Variants in MARCHF1 observed in about 807,000 individuals in gnomAD.
The protein encoded by MARCHF1 is E3 ubiquitin-protein ligase MARCHF1.
MARCHF1 carries 40 observed loss-of-function variants against 54.2 expected under a neutral mutation model. That is an observed-to-expected ratio of 0.74 (90% CI 0.57 to 0.96). The LOEUF (loss-of-function observed/expected upper bound fraction) is 0.96, where lower values mean the gene tolerates loss of function less well. Ranked by LOEUF, MARCHF1 falls within the 40% of genes least tolerant of loss-of-function variation. The pLI, the probability that MARCHF1 is intolerant of heterozygous loss-of-function variation, is 0.00. For missense variants in MARCHF1, 586 were observed against 656.5 expected (o/e 0.89, Z 1.17); for synonymous variants, 236 against 236.3 (o/e 1.00, Z 0.01).
chr4:164,030,436 C>T (rs1753854074), intron 2 of MARCHF1, among the ~76,000 whole-genome samples: 1 of 152,034 alleles, frequency 6.6e-6, no homozygotes, highest in Admixed American at 6.6e-5. Flanking sequence ...GTATAATAAC[C>T]TTAGATAATA....
intron 1 of MARCHF1, among the ~76,000 whole-genome samples, chr4:164,238,954 C>T (rs1371757250): frequency 2.0e-5 from 3 of 152,014 alleles, no homozygotes; most frequent in East Asian, 3.9e-4. Context: ...ACCTGATATT[C>T]TGTTTTACTA....
chr4:163,732,637 T>C (rs940063360), intron 4 of MARCHF1, among the ~76,000 whole-genome samples: 3 of 152,088 alleles, frequency 2.0e-5, no homozygotes, highest in Non-Finnish European at 4.4e-5. Flanking sequence ...ACACATTATG[T>C]ACAGAGGAGC....
At chr4:164,347,874 G>T (rs1401985709) in intron 1 of MARCHF1, among the ~76,000 whole-genome samples, 1 of 152,088 alleles carries the variant, frequency 6.6e-6, no homozygotes, top group East Asian at 1.9e-4. Flanking sequence ...AAATGTTTAT[G>T]TTCATGGTGT....
intron 1 of MARCHF1, among the ~76,000 whole-genome samples, chr4:164,223,173 G>C (rs1732160597): frequency 6.6e-6 from 1 of 151,896 alleles, no homozygotes; most frequent in African/African-American, 2.4e-5. Context: ...GTGAGATTTG[G>C]GTAGGGACAC....
intron 1 of MARCHF1, among the ~76,000 whole-genome samples, chr4:164,238,953 T>C (rs1732646759): frequency 1.3e-5 from 2 of 152,084 alleles, no homozygotes; most frequent in Non-Finnish European, 2.9e-5. Flanking sequence ...AACCTGATAT[T>C]CTGTTTTACT....
chr4:163,533,680 A>AATATATAT (rs35349951), intron 9 of MARCHF1, among the ~76,000 whole-genome samples: 4,473 of 144,060 alleles, frequency 0.031, 188 homozygotes, highest in African/African-American at 0.094. Flanking sequence ...TTTTATATAT[A>AATATATAT]ATATATATAT....
chr4:164,262,975 C>CCCTT (rs1421893397), intron 1 of MARCHF1, among the ~76,000 whole-genome samples: 1 of 152,026 alleles, frequency 6.6e-6, no homozygotes. Context: ...TATTTGCTTC[C>CCCTT]CCTTCCTAGT....
At chr4:163,874,414 G>C (rs777232595) in intron 3 of MARCHF1, among the ~76,000 whole-genome samples, 9 of 152,184 alleles carry the variant, frequency 5.9e-5, no homozygotes, top group Admixed American at 2.6e-4. Flanking sequence ...ACCCAAAGAG[G>C]CAGGAACAAA....
chr4:164,036,102 C>CA (rs34183134), intron 2 of MARCHF1, among the ~76,000 whole-genome samples: 30,719 of 82,254 alleles, frequency 0.37, 4,536 homozygotes, highest in Middle Eastern at 0.52. Flanking sequence ...GATTCTGTCT[C>CA]AAAAAAAAAA....
At chr4:163,745,044 G>A (rs1207393210) in intron 4 of MARCHF1, among the ~76,000 whole-genome samples, 5 of 151,712 alleles carry the variant, frequency 3.3e-5, no homozygotes, top group African/African-American at 7.3e-5. Context: ...GCAATCTCAC[G>A]CCAGAAGTGA....
chr4:163,826,090 C>T (rs1204412587), intron 4 of MARCHF1, among the ~76,000 whole-genome samples: 1 of 151,874 alleles, frequency 6.6e-6, no homozygotes, highest in Non-Finnish European at 1.5e-5. Context: ...CTGATAAACT[C>T]ACTGATAAAT....
chr4:164,248,116 C>T (rs1424992843), intron 1 of MARCHF1, among the ~76,000 whole-genome samples: 1 of 151,938 alleles, frequency 6.6e-6, no homozygotes. Context: ...AAATTAGGAC[C>T]TATATTATAC....
In MARCHF1 at chr4:164,177,765, C is replaced by T. The variant is rs75761581; in HGVS notation, c.-322-66103G>A. 4.9e-4 allele frequency among the ~76,000 whole-genome samples: 75 copies of T among 151,920 alleles called. No homozygotes were observed. In the East Asian group the frequency reaches 0.013, roughly 26 times the overall value. On this transcript the variant is annotated intron_variant, in intron 1 of 9. Coordinates refer to ENST00000514618, the MANE Select transcript of MARCHF1 (RefSeq NM_001394959.1). The stretch of plus-strand genomic sequence containing the variant: ...CAAACATGCATGCAGATTTCTCTCT[C>T]TCATCTCTCTCTCTCTCAATCTCAG...
chr4:164,345,348 C>T (rs999663742), intron 1 of MARCHF1, among the ~76,000 whole-genome samples: 7 of 152,082 alleles, frequency 4.6e-5, no homozygotes, highest in Non-Finnish European at 1.0e-4. Context: ...CAAAGGATCA[C>T]TTGAGTCCAG....
At chr4:164,154,866 C>T (rs1480018874) in intron 1 of MARCHF1, among the ~76,000 whole-genome samples, 4 of 152,168 alleles carry the variant, frequency 2.6e-5, no homozygotes, top group African/African-American at 9.7e-5. Flanking sequence ...CACACACGGA[C>T]TTGAAGGATG....
chr4:163,831,198 T>C (rs1354503973), intron 4 of MARCHF1, among the ~76,000 whole-genome samples: 1 of 152,208 alleles, frequency 6.6e-6, no homozygotes, highest in East Asian at 1.9e-4. Flanking sequence ...GAGTGGGGGC[T>C]AGATGCCTCT....
chr4:164,036,415 C>G (rs1754003789), intron 2 of MARCHF1, among the ~76,000 whole-genome samples: 1 of 152,000 alleles, frequency 6.6e-6, no homozygotes, highest in Non-Finnish European at 1.5e-5. Context: ...AGTTGGGAAG[C>G]TGTAAAACTA....
At chr4:163,708,915 T>G (rs887290711) in intron 4 of MARCHF1, among the ~76,000 whole-genome samples, 8 of 152,136 alleles carry the variant, frequency 5.3e-5, no homozygotes, top group Non-Finnish European at 8.8e-5. Context: ...ATACAGAAAT[T>G]ATAATGCAAA....
intron 1 of MARCHF1, among the ~76,000 whole-genome samples, chr4:164,316,719 G>T (rs1450553592): frequency 1.2e-4 from 18 of 152,126 alleles, no homozygotes; most frequent in Admixed American, 9.2e-4. Context: ...ATCCCATGTC[G>T]AATTGTAATC....
Sources: gnomAD v4.1 joint callset for allele counts (sites outside exome capture counted in the v4.1 genomes callset) on GRCh38, gnomAD v4.1.1 for gene constraint, MANE v1.5 for transcripts, NCBI Gene and HGNC (gene_info 2026-07-23, HGNC 2026-07-21) for gene names.